EBF2: variants seen among roughly 807,000 people sequenced by gnomAD.
EBF2 encodes the protein transcription factor COE2.
Under a neutral mutation model 72.8 loss-of-function variants are expected in EBF2, and 21 were observed. That is an observed-to-expected ratio of 0.29 (90% CI 0.20 to 0.42). The LOEUF (loss-of-function observed/expected upper bound fraction) is 0.42. Among genes scored for constraint, EBF2 ranks in the 10% least tolerant of loss-of-function variants. The pLI, the probability that EBF2 is intolerant of heterozygous loss-of-function variation, is 1.00. For missense variants in EBF2, 637 were observed against 731.2 expected, an observed-to-expected ratio of 0.87 and a Z score of 1.49; for synonymous variants, 299 against 274.2, an observed-to-expected ratio of 1.09 and a Z score of -0.89.
chr8:25,884,150 T>C (rs1232681494), intron 10 of EBF2, among the ~76,000 whole-genome samples: 1 of 151,984 alleles, frequency 6.6e-6, no homozygotes, highest in Non-Finnish European at 1.5e-5. Flanking sequence ...ATCACTCTCT[T>C]CCCCACTGAC....
At chr8:25,887,713 C>G in intron 9 of EBF2, 129 bp downstream of exon 9, 1 of 1,141,602 alleles carries the variant, frequency 8.8e-7, no homozygotes, top group Non-Finnish European at 1.2e-6. Context: ...TACTTATCTT[C>G]TTAAGAAACC....
intron 6 of EBF2, among the ~76,000 whole-genome samples, chr8:26,015,878 C>T (rs1412576744): frequency 6.6e-6 from 1 of 152,178 alleles, no homozygotes; most frequent in African/African-American, 2.4e-5. Flanking sequence ...CTCCTTAGCC[C>T]TGACCTGATG....
chr8:26,036,163 G>C (rs887305212), intron 5 of EBF2, among the ~76,000 whole-genome samples: 1 of 152,212 alleles, frequency 6.6e-6, no homozygotes, highest in Non-Finnish European at 1.5e-5. Context: ...GAATGATTCT[G>C]AGGGGGCTGA....
intron 6 of EBF2, among the ~76,000 whole-genome samples, chr8:26,012,085 C>T (rs894408257): frequency 1.3e-5 from 2 of 152,140 alleles, no homozygotes; most frequent in African/African-American, 4.8e-5. Context: ...AAGAATCATG[C>T]CCTGTTTATT....
intron 6 of EBF2, among the ~76,000 whole-genome samples, chr8:25,950,756 GA>G (rs1430376389): frequency 2.0e-5 from 3 of 152,150 alleles, no homozygotes; most frequent in African/African-American, 7.2e-5. Flanking sequence ...GCAAACTTTA[GA>G]CCATCTTTTC....
At chr8:26,040,729 A>T in intron 3 of EBF2, 58 bp from the exon 4 acceptor site, 1 of 1,540,884 alleles carries the variant, frequency 6.5e-7, no homozygotes, top group Non-Finnish European at 8.8e-7. Context: ...GGGCACCCCA[A>T]ACCCTTCTCT....
chr8:25,937,318 A>G (rs1425866531), intron 6 of EBF2, among the ~76,000 whole-genome samples: 1 of 152,152 alleles, frequency 6.6e-6, no homozygotes, highest in Admixed American at 6.5e-5. Flanking sequence ...CCATCCAAAA[A>G]TGTCCCCGAC....
At chr8:25,863,410 A>G (rs1802246467) in intron 10 of EBF2, among the ~76,000 whole-genome samples, 1 of 152,180 alleles carries the variant, frequency 6.6e-6, no homozygotes, top group African/African-American at 2.4e-5. Flanking sequence ...GGCCTGGCAC[A>G]TAGAAGGCAC....
intron 6 of EBF2, among the ~76,000 whole-genome samples, chr8:25,984,784 C>T (rs1014624255): frequency 9.2e-5 from 14 of 152,014 alleles, no homozygotes; most frequent in Non-Finnish European, 2.1e-4. Flanking sequence ...TTGGGAACAG[C>T]CCAAGGTTTT....
intron 6 of EBF2, among the ~76,000 whole-genome samples, chr8:25,973,469 C>T (rs773444624): frequency 6.6e-6 from 1 of 152,106 alleles, no homozygotes; most frequent in Non-Finnish European, 1.5e-5. Context: ...TTTTGACTTC[C>T]CTTTGAAAAT....
chr8:26,012,932 C>G (rs1323670162), intron 6 of EBF2, among the ~76,000 whole-genome samples: 2 of 152,002 alleles, frequency 1.3e-5, no homozygotes, highest in African/African-American at 4.8e-5. Flanking sequence ...TTCTAGATGC[C>G]AAGGATAAAC....
At chr8:25,868,537 A>T (rs1802374150) in intron 10 of EBF2, among the ~76,000 whole-genome samples, 1 of 152,200 alleles carries the variant, frequency 6.6e-6, no homozygotes, top group South Asian at 2.1e-4. Context: ...GCTGGAGTGC[A>T]GTGCACGATC....
Position 26,044,653 on chromosome 8 carries a change from C to A in EBF2, c.131+76G>T. On this transcript the variant is annotated intron_variant, in intron 1 of 15. Coordinates refer to ENST00000520164, the MANE Select transcript of EBF2 (RefSeq NM_022659.4). The surrounding 1 kb of genome is among the most constrained non-coding windows in gnomAD (Gnocchi z 4.1). ...CAGGGAGAGAGAAAGGCACGGGGTG[C>A]GCGGGGGGGGTGCACACGGAGAGAC... 1 of 1,530,326 alleles carries A rather than the reference C, an allele frequency of 6.5e-7. No individual in the cohort carries two copies. The highest frequency in any genetic ancestry group is 8.8e-7 in the Non-Finnish European group (1 of 1,136,720). The allele number at this position is 1,530,326 out of a possible 1,614,324, so 94.8% of individuals were successfully genotyped here.
chr8:26,008,160 G>A (rs1379581784), intron 6 of EBF2, among the ~76,000 whole-genome samples: 1 of 151,846 alleles, frequency 6.6e-6, no homozygotes, highest in Non-Finnish European at 1.5e-5. Flanking sequence ...ACGGGTATGG[G>A]TCTATGTTTC....
At chr8:25,879,314 CT>C (rs1802568993) in intron 10 of EBF2, among the ~76,000 whole-genome samples, 1 of 152,092 alleles carries the variant, frequency 6.6e-6, no homozygotes. Flanking sequence ...AATGAATCCC[CT>C]AATGTACAAT....
chr8:25,952,177 T>G lies in EBF2; in HGVS notation c.552-43622A>C, dbSNP rs114378728. Reference sequence around the variant, plus strand: ...CATGCATGGTGGCTTGTGACTGCAGTCCCAACTACTCAGGAGACTGAGGCA... The same window carrying G: ...CATGCATGGTGGCTTGTGACTGCAGGCCCAACTACTCAGGAGACTGAGGCA... On this transcript the variant is annotated intron_variant, in intron 6 of 15. Transcript: ENST00000520164. Among the ~76,000 whole-genome samples the G allele has an allele frequency of 8.6e-3, 1,313 of 152,046 alleles. 14 individuals carry two copies. The highest frequency in any genetic ancestry group is 0.028 in the African/African-American group (1,174 of 41,508).
At chr8:25,967,304 G>T (rs1804130360) in intron 6 of EBF2, among the ~76,000 whole-genome samples, 1 of 152,204 alleles carries the variant, frequency 6.6e-6, no homozygotes. Context: ...TTTGGGTAGA[G>T]AATTGGATCC....
chr8:25,931,064 G>A (rs906022082), intron 6 of EBF2, among the ~76,000 whole-genome samples: 1 of 152,088 alleles, frequency 6.6e-6, no homozygotes, highest in Admixed American at 6.5e-5. Context: ...ATTGTCAGAC[G>A]ATATTTTCAA....
At chr8:25,933,797 A>T (rs1803526038) in intron 6 of EBF2, among the ~76,000 whole-genome samples, 1 of 152,174 alleles carries the variant, frequency 6.6e-6, no homozygotes, top group African/African-American at 2.4e-5. Context: ...AAAAAATACG[A>T]AACAGTAAAC....
Sources: gnomAD v4.1 joint callset for allele counts (sites outside exome capture counted in the v4.1 genomes callset) on GRCh38, gnomAD v4.1.1 for gene constraint, Gnocchi (gnomAD v3.1) non-coding constraint, MANE v1.5 for transcripts, NCBI Gene and HGNC (gene_info 2026-07-23, HGNC 2026-07-21) for gene names.